The following GPM6A variants were observed in gnomAD, a reference collection of about 807,000 sequenced individuals.
The protein encoded by GPM6A is glycoprotein M6A, also known as neuronal membrane glycoprotein M6-a.
In GPM6A, 7 loss-of-function variants were observed where a neutral mutation model predicts 32.1. That is an observed-to-expected ratio of 0.22 (90% confidence interval 0.12 to 0.41). GPM6A has a LOEUF of 0.41. GPM6A is among the 10% of genes least tolerant of loss of function. The pLI, the probability that GPM6A is intolerant of heterozygous loss-of-function variation, is 1.00. For synonymous variants in GPM6A, 130 were observed against 123.4 expected, an observed-to-expected ratio of 1.05 and a Z score of -0.35; for missense variants, 235 against 347.2, an observed-to-expected ratio of 0.68 and a Z score of 2.57.
At chr4:175,941,803 G>A (rs1260311724) in intron 1 of GPM6A, among the ~76,000 whole-genome samples, 1 of 152,144 alleles carries the variant, frequency 6.6e-6, no homozygotes, top group Non-Finnish European at 1.5e-5. Context: ...ATTTGGGTTG[G>A]TTCCAAGTCT....
chr4:175,663,574 G>C (rs1220340462), intron 3 of GPM6A, among the ~76,000 whole-genome samples: 1 of 152,090 alleles, frequency 6.6e-6, no homozygotes, highest in Non-Finnish European at 1.5e-5. Context: ...TTATCAATTA[G>C]CTTGATTTAG....
At chr4:175,739,200 T>C (rs1378494118) in intron 1 of GPM6A, among the ~76,000 whole-genome samples, 2 of 152,170 alleles carry the variant, frequency 1.3e-5, no homozygotes, top group Non-Finnish European at 2.9e-5. Flanking sequence ...TTTTAAAAAT[T>C]GGTATGTTTG....
chr4:175,820,342 C>T (rs1197049760), intron 1 of GPM6A, among the ~76,000 whole-genome samples: 1 of 152,092 alleles, frequency 6.6e-6, no homozygotes, highest in African/African-American at 2.4e-5. Flanking sequence ...AGCCCTACCT[C>T]CTGTTAATAA....
At chr4:175,637,222 AATATAAAATATATATTATATATT>A in intron 6 of GPM6A, among the ~76,000 whole-genome samples, 1 of 71,870 alleles carries the variant, frequency 1.4e-5, no homozygotes, top group Non-Finnish European at 2.6e-5. Context: ...TATCATATAT[AATATAAAATATATATTATATATT>A]ATATATAATA....
intron 1 of GPM6A, among the ~76,000 whole-genome samples, chr4:175,854,841 A>G (rs1245562682): frequency 2.0e-5 from 3 of 152,194 alleles, no homozygotes; most frequent in Non-Finnish European, 4.4e-5. Context: ...AATGCACATA[A>G]AGAAACCTCA....
intron 6 of GPM6A, among the ~76,000 whole-genome samples, chr4:175,636,941 T>C (rs963830447): frequency 2.4e-5 from 3 of 126,674 alleles, no homozygotes; most frequent in Non-Finnish European, 5.0e-5. Flanking sequence ...CTCATGCATA[T>C]ATATATATAT....
intron 1 of GPM6A, among the ~76,000 whole-genome samples, chr4:175,976,328 A>ATTTTTTTT (rs34163669): frequency 1.9e-4 from 26 of 137,304 alleles, no homozygotes; most frequent in African/African-American, 6.4e-4. Flanking sequence ...CGCCTGGCTA[A>ATTTTTTTT]TTTTTTTTTT....
chr4:175,980,801 A>G (rs1468771381), intron 1 of GPM6A, among the ~76,000 whole-genome samples: 1 of 152,220 alleles, frequency 6.6e-6, no homozygotes, highest in Non-Finnish European at 1.5e-5. Flanking sequence ...CTTCCTCTCA[A>G]TCAGTACACC....
At chr4:175,803,320 TA>T (rs1187696386) in intron 1 of GPM6A, among the ~76,000 whole-genome samples, 1 of 152,082 alleles carries the variant, frequency 6.6e-6, no homozygotes, top group African/African-American at 2.4e-5. Flanking sequence ...GCATAACACA[TA>T]CATAAGAAAA....
At chr4:175,973,522 C>T (rs958259031) in intron 1 of GPM6A, among the ~76,000 whole-genome samples, 4 of 152,234 alleles carry the variant, frequency 2.6e-5, no homozygotes, top group Admixed American at 1.3e-4. Context: ...ACTTCCAACT[C>T]AGTCATACAT....
rs1485255868 is a variant in GPM6A, at chr4:175,696,549, G to C, written c.230+5026C>G. ...TATTATTTCAAAAGTTAGGAATTCA[G>C]TATGGTTTTCTAACATGAGTTCTAG... On this transcript the variant is annotated intron_variant, in intron 2 of 6. Coordinates refer to ENST00000393658, the MANE Select transcript of GPM6A (RefSeq NM_201591.3). Among the ~76,000 whole-genome samples, 31 of 152,172 alleles carry C rather than the reference G, an allele frequency of 2.0e-4. 1 individual carries two copies. The highest frequency in any genetic ancestry group is 2.0e-3 in the Admixed American group (31 of 15,270).
At chr4:175,716,504 T>C (rs1460140259) in intron 1 of GPM6A, among the ~76,000 whole-genome samples, 1 of 152,126 alleles carries the variant, frequency 6.6e-6, no homozygotes, top group Non-Finnish European at 1.5e-5. Context: ...GTGCACATCA[T>C]ACAATAGAAT....
At chr4:175,752,530 TA>T (rs1732376928) in intron 1 of GPM6A, among the ~76,000 whole-genome samples, 1 of 152,072 alleles carries the variant, frequency 6.6e-6, no homozygotes, top group Non-Finnish European at 1.5e-5. Context: ...CTCTATGCTC[TA>T]AAAAAGTCGG....
At chr4:175,887,798 T>C (rs1311014817) in intron 1 of GPM6A, among the ~76,000 whole-genome samples, 1 of 151,872 alleles carries the variant, frequency 6.6e-6, no homozygotes, top group Non-Finnish European at 1.5e-5. Flanking sequence ...TGTTTCAAAA[T>C]GAAATAGCAA....
chr4:175,758,911 A>G (rs182475618), intron 1 of GPM6A, among the ~76,000 whole-genome samples: 2,444 of 152,314 alleles, frequency 0.016, 90 homozygotes, highest in African/African-American at 0.056. Flanking sequence ...TGCAAGGCAG[A>G]CAGCCTCTTC....
chr4:175,754,606 T>G (rs1442036989), intron 1 of GPM6A, among the ~76,000 whole-genome samples: 1 of 152,178 alleles, frequency 6.6e-6, no homozygotes, highest in Non-Finnish European at 1.5e-5. Flanking sequence ...GTAGGTATTT[T>G]CTTTCAAAGT....
chr4:175,938,574 C>T (rs1233372402), intron 1 of GPM6A, among the ~76,000 whole-genome samples: 4 of 151,994 alleles, frequency 2.6e-5, no homozygotes, highest in Non-Finnish European at 5.9e-5. Flanking sequence ...TGTTCATATC[C>T]TTCACCCACT....
intron 1 of GPM6A, among the ~76,000 whole-genome samples, chr4:175,950,412 G>GT (rs1483503091): frequency 2.0e-5 from 3 of 151,962 alleles, no homozygotes; most frequent in Non-Finnish European, 4.4e-5. Context: ...CTATACAACT[G>GT]GATATAATTT....
rs577380751 is a variant in GPM6A at position 175,993,292 on chromosome 4, A to G, written c.-23+9017T>C. Among the ~76,000 whole-genome samples, 8 of 150,956 alleles carry G rather than the reference A, an allele frequency of 5.3e-5. No individual in the cohort carries two copies. In the South Asian group the frequency reaches 1.7e-3, roughly 32 times the overall value. On this transcript the variant is annotated intron_variant, in intron 1 of 7. Coordinates refer to the GPM6A transcript ENST00000280187. ...TTCAATATCTGATATAAATGAAAAA[A>G]CCCTTAAAACAAAATATATTGTATT...
Sources: gnomAD v4.1 joint callset for allele counts (sites outside exome capture counted in the v4.1 genomes callset) on GRCh38, gnomAD v4.1.1 for gene constraint, MANE v1.5 for transcripts, NCBI Gene and HGNC (gene_info 2026-07-23, HGNC 2026-07-21) for gene names.